AHCTF1: variants seen among roughly 807,000 people sequenced by gnomAD.
AHCTF1 encodes the protein protein ELYS.
Under a neutral mutation model 248.4 loss-of-function variants are expected in AHCTF1, and 24 were observed. The observed-to-expected ratio is 0.10, with a 90% CI of 0.07 to 0.14. The LOEUF is 0.14. Ranked by LOEUF, AHCTF1 falls within the 10% of genes least tolerant of loss-of-function variation. The pLI is 1.00. For missense variants in AHCTF1, 2,206 were observed against 2,636.2 expected (o/e 0.84, Z 3.57); for synonymous variants, 786 against 929.8 (o/e 0.85, Z 2.81).
In AHCTF1 at chr1:246,843,230, G is replaced by C. The variant is rs114761567; in HGVS notation, c.6526-454C>G. ...CTTTGCGTCTGCCATTTACTCTGTT[G>C]GGAGGAATGCCTGTCTCCTCTAACC... is the stretch of plus-strand genomic sequence containing the variant. On this transcript the variant is annotated intron_variant, in intron 34 of 35. Transcript: ENST00000648844. Among the ~76,000 whole-genome samples the C allele has an allele frequency of 3.3e-3, 506 of 152,302 alleles. 3 individuals carry two copies. Among genetic ancestry groups the C allele is most frequent in the African/African-American group, 0.012 (482 of 41,560 alleles).
rs751633142 is a variant in AHCTF1 at position 246,853,129 on chromosome 1, G to C, written c.4525C>G (p.Pro1509Ala). ...GTATCAGGAGGGCTGTCAGAAATTGGAAGCTTTTCTTCTGGTAAGTCAACA... is the reference window on the plus strand; with the variant it reads ...GTATCAGGAGGGCTGTCAGAAATTGCAAGCTTTTCTTCTGGTAAGTCAACA... ...ESVDLPEEKL[P>A]ISDSPPDTQE... Residue 1509 changes from proline (P) to alanine (A), a missense_variant, in exon 32 of 36, where the codon CCA becomes GCA. Coordinates refer to ENST00000648844, the MANE Select transcript of AHCTF1 (RefSeq NM_001323342.2). 2.5e-6 allele frequency: 4 copies of C among 1,609,382 alleles called. No individual in the cohort carries two copies. The East Asian group carries it at 8.9e-5, about 36-fold the overall frequency.
intron 31 of AHCTF1, among the ~76,000 whole-genome samples, chr1:246,854,661 A>C (rs1457500704): frequency 1.3e-5 from 2 of 152,160 alleles, no homozygotes; most frequent in Non-Finnish European, 2.9e-5. Flanking sequence ...GCTACACAAA[A>C]CACTTTACAT....
chr1:246,908,723 T>TAAAAAA (rs35110822), intron 4 of AHCTF1, among the ~76,000 whole-genome samples: 1 of 106,864 alleles, frequency 9.4e-6, no homozygotes, highest in African/African-American at 3.5e-5. Flanking sequence ...CAGTCTCTAC[T>TAAAAAA]AAAAAAAAAA....
chr1:246,854,096 G>A (rs566754833), intron 31 of AHCTF1, among the ~76,000 whole-genome samples: 5 of 152,134 alleles, frequency 3.3e-5, no homozygotes, highest in African/African-American at 4.8e-5. Flanking sequence ...TCAGGAGATC[G>A]AGACCACCCT....
chr1:246,911,479 CTTTT>C (rs35320501), intron 4 of AHCTF1, among the ~76,000 whole-genome samples: 1 of 99,484 alleles, frequency 1.0e-5, no homozygotes, highest in Non-Finnish European at 1.9e-5. Context: ...TATGAAGATT[CTTTT>C]TTTTTTTTTT....
At chr1:246,869,949 T>C (rs2103089712) in intron 24 of AHCTF1, among the ~76,000 whole-genome samples, 1 of 152,358 alleles carries the variant, frequency 6.6e-6, no homozygotes, top group African/African-American at 2.4e-5. Context: ...CAAAGTCCTT[T>C]GAAAACCTTC....
At chr1:246,907,013 G>A (rs1041029482) in intron 5 of AHCTF1, among the ~76,000 whole-genome samples, 2 of 152,166 alleles carry the variant, frequency 1.3e-5, no homozygotes, top group African/African-American at 4.8e-5. Flanking sequence ...ATGCTCGTCA[G>A]GGATTCAGTC....
intron 11 of AHCTF1, among the ~76,000 whole-genome samples, chr1:246,898,921 C>T (rs1416064484): frequency 6.6e-6 from 1 of 152,120 alleles, no homozygotes; most frequent in Non-Finnish European, 1.5e-5. Context: ...AACCCCATCT[C>T]TACTAAAAAT....
chr1:246,898,146 G>A (rs1664726954), intron 12 of AHCTF1, 62 bp downstream of exon 12: 1 of 1,595,128 alleles, frequency 6.3e-7, no homozygotes, highest in Non-Finnish European at 8.5e-7. Flanking sequence ...CATTTTTACT[G>A]TAATAGAAAG....
At chr1:246,901,889 C>T (rs998131003) in intron 8 of AHCTF1, among the ~76,000 whole-genome samples, 1 of 152,122 alleles carries the variant, frequency 6.6e-6, no homozygotes, top group African/African-American at 2.4e-5. Flanking sequence ...ATGTGCTTTT[C>T]ACATATTTAA....
chr1:246,843,248 C>T (rs1302021197), intron 34 of AHCTF1, among the ~76,000 whole-genome samples: 1 of 152,200 alleles, frequency 6.6e-6, no homozygotes, highest in Non-Finnish European at 1.5e-5. Context: ...TGCCTGTCTC[C>T]TCTAACCTCG....
At chr1:246,889,259 CCTTTT>C (rs1664041833) in intron 17 of AHCTF1, among the ~76,000 whole-genome samples, 2 of 149,758 alleles carry the variant, frequency 1.3e-5, no homozygotes, top group Admixed American at 6.7e-5. Flanking sequence ...GTCCCTATTT[CCTTTT>C]CTTTTCTCTT....
chr1:246,893,913 T>C (rs1310906034), intron 14 of AHCTF1, among the ~76,000 whole-genome samples: 1 of 152,214 alleles, frequency 6.6e-6, no homozygotes, highest in Non-Finnish European at 1.5e-5. Flanking sequence ...TGGTCAAAAA[T>C]TACTTTTGGC....
At position 246,867,293 on chromosome 1, in the gene AHCTF1, C is replaced by T; in HGVS notation, c.3298G>A (p.Glu1100Lys). Reference sequence around the variant, plus strand: ...GAAATTGGTGTTCCAAAAAATGCCTCAGGCAGCTCTGGAGCTGGGAGCGAA... The same window carrying T: ...GAAATTGGTGTTCCAAAAAATGCCTTAGGCAGCTCTGGAGCTGGGAGCGAA... Reference protein sequence around the residue: ...VYSLPAPELPEAFFGTPISKA... With the variant: ...VYSLPAPELPKAFFGTPISKA... The change falls in exon 26 of 36, where the codon GAG becomes AAG. Residue 1100 changes from glutamate to lysine, a missense_variant. By Grantham distance (56) the Glu-to-Lys change is moderately conservative (BLOSUM62 1). Transcript: ENST00000648844. The T allele has an allele frequency of 6.2e-7, 1 of 1,604,310 alleles. No homozygotes were observed.
intron 32 of AHCTF1, among the ~76,000 whole-genome samples, 177 bp from the exon 33 acceptor site, chr1:246,851,619 CTCAT>C (rs1258938050): frequency 9.2e-5 from 14 of 152,130 alleles, no homozygotes; most frequent in African/African-American, 2.9e-4. Context: ...ATCAGACTTT[CTCAT>C]TCAGTCAAAA....
intron 33 of AHCTF1, among the ~76,000 whole-genome samples, chr1:246,848,832 A>G (rs982168582): frequency 1.4e-4 from 21 of 145,114 alleles, no homozygotes; most frequent in Non-Finnish European, 2.7e-4. Context: ...CCTGGGCGAC[A>G]GAGTGAGACT....
chr1:246,880,567 CAAA>C (rs370055569), intron 21 of AHCTF1, among the ~76,000 whole-genome samples: 5 of 54,496 alleles, frequency 9.2e-5, no homozygotes, highest in African/African-American at 1.3e-4. Context: ...GACTCCAGCT[CAAA>C]AAAAAAAAAA....
rs2103177627 is a variant in AHCTF1 at position 246,902,582 on chromosome 1, A to T, written c.1060T>A (p.Cys354Ser). 6.2e-7 allele frequency: 1 copy of T among 1,612,348 alleles called. No homozygotes were observed. The highest frequency in any genetic ancestry group is 8.5e-7 in the Non-Finnish European group (1 of 1,179,832). Residue 354 changes from cysteine (C) to serine (S), a missense_variant, in exon 8 of 36, where the codon TGC becomes AGC. This residue lies in a region of AHCTF1 where 650 missense variants were observed against 870.8 expected (regional missense o/e 0.75). Transcript: ENST00000648844. ...GATCGAAATTTCTCTATACTCTGGCATCCCAACAATTTGGTATTACTCGTC... is the reference window on the plus strand; with the variant it reads ...GATCGAAATTTCTCTATACTCTGGCTTCCCAACAATTTGGTATTACTCGTC... ...GQTSNTKLLG[C>S]QSIEKFRSHG...
Position 246,850,988 on chromosome 1 carries a change from A to G in AHCTF1, c.5018T>C (p.Leu1673Pro). Residue 1673 changes from leucine (L) to proline (P), a missense_variant, in exon 33 of 36, where the codon CTA becomes CCA. Leu to Pro is a moderately conservative substitution (Grantham distance 98). This residue lies in a region of AHCTF1 where 955 missense variants were observed against 1,055.6 expected (regional missense o/e 0.90). Coordinates refer to ENST00000648844, the MANE Select transcript of AHCTF1 (RefSeq NM_001323342.2). ...PIKVAIAENL[L>P]DVIKDTRSKE... ...ACTTCTTGTGTCTTTAATTACATCT[A>G]GTAAATTTTCTGCAATTGCTACTTT... 6.2e-7 allele frequency: 1 copy of G among 1,613,946 alleles called. No individual in the cohort carries two copies. Among genetic ancestry groups the G allele is most frequent in the Non-Finnish European group, 8.5e-7 (1 of 1,179,862 alleles).
Sources: gnomAD v4.1 joint callset for allele counts (sites outside exome capture counted in the v4.1 genomes callset) on GRCh38, gnomAD v4.1.1 for gene constraint, gnomAD v4.1.1 regional missense constraint, MANE v1.5 for transcripts, NCBI Gene and HGNC (gene_info 2026-07-23, HGNC 2026-07-21) for gene names.